The following ALDH1A1 variants were observed in gnomAD, a reference collection of about 807,000 sequenced individuals.
ALDH1A1 encodes aldehyde dehydrogenase 1A1.
Under a neutral mutation model 62.1 loss-of-function variants are expected in ALDH1A1, and 19 were observed. The observed-to-expected ratio is 0.31, with a 90% confidence interval of 0.21 to 0.45. The LOEUF is 0.45. Among genes scored for constraint, ALDH1A1 ranks in the 20% least tolerant of loss-of-function variants. ALDH1A1 has a pLI of 1.00. For missense variants in ALDH1A1, 521 were observed against 607.1 expected (o/e 0.86, Z 1.49); for synonymous variants, 231 against 215.9 (o/e 1.07, Z -0.61).
At chr9:72,909,361 C>T (rs1457593201) in intron 11 of ALDH1A1, among the ~76,000 whole-genome samples, 3 of 151,936 alleles carry the variant, frequency 2.0e-5, no homozygotes, top group South Asian at 2.1e-4. Context: ...ACCATGTTGG[C>T]CAGGCTGGTC....
intron 12 of ALDH1A1, 38 bp from the exon 13 acceptor site, chr9:72,901,318 G>T: frequency 7.1e-7 from 1 of 1,402,504 alleles, no homozygotes. Flanking sequence ...ACACCATTTA[G>T]CACAGCAGTA....
chr9:72,902,481 C>G (rs971015578), intron 12 of ALDH1A1, among the ~76,000 whole-genome samples: 1 of 151,910 alleles, frequency 6.6e-6, no homozygotes. Flanking sequence ...TTTGAAAATA[C>G]CTTTTAAAAG....
chr9:72,934,520 A>G (rs1396702504), intron 2 of ALDH1A1, among the ~76,000 whole-genome samples: 1 of 152,060 alleles, frequency 6.6e-6, no homozygotes, highest in Non-Finnish European at 1.5e-5. Context: ...ATCCAAACTT[A>G]GTGTTTACAT....
chr9:72,919,193 T>C (rs1292841837), intron 7 of ALDH1A1, among the ~76,000 whole-genome samples: 10 of 152,216 alleles, frequency 6.6e-5, no homozygotes, highest in African/African-American at 1.9e-4. Flanking sequence ...TAAGTGATAT[T>C]GATGGCTACG....
At chr9:72,911,172 CACTT>C (rs1174421822) in intron 10 of ALDH1A1, among the ~76,000 whole-genome samples, 1 of 151,882 alleles carries the variant, frequency 6.6e-6, no homozygotes, top group Non-Finnish European at 1.5e-5. Context: ...ACTCACCAAA[CACTT>C]AACTGCAATA....
chr9:72,905,898 TG>T, intron 12 of ALDH1A1, 59 bp downstream of exon 12: 1 of 1,383,324 alleles, frequency 7.2e-7, no homozygotes, highest in Non-Finnish European at 9.9e-7. Context: ...GTTAATTCCC[TG>T]GGAATGAAAA....
rs12339821 is a variant in ALDH1A1, at chr9:72,928,604, G to A, written c.442+288C>T. 5.9e-3 allele frequency among the ~76,000 whole-genome samples: 905 copies of A among 152,228 alleles called. 11 individuals are homozygous for A. Among genetic ancestry groups the A allele is most frequent in the African/African-American group, 0.02 (847 of 41,538 alleles). ...TTAAAAAGTTTGGGACCTTAGAGAGGCAATTGCCTCAGATCAGTAATTACT... is the reference window on the plus strand; with the variant it reads ...TTAAAAAGTTTGGGACCTTAGAGAGACAATTGCCTCAGATCAGTAATTACT... On this transcript the variant is annotated intron_variant, in intron 4 of 12. Transcript: ENST00000297785.
At chr9:72,944,820 T>A (rs1385161290) in intron 1 of ALDH1A1, among the ~76,000 whole-genome samples, 2 of 152,098 alleles carry the variant, frequency 1.3e-5, no homozygotes, top group African/African-American at 2.4e-5. Context: ...GACTTTTGAA[T>A]AATATATATG....
intron 9 of ALDH1A1, among the ~76,000 whole-genome samples, chr9:72,916,123 C>A (rs1051767781): frequency 9.2e-5 from 14 of 152,086 alleles, no homozygotes; most frequent in African/African-American, 2.9e-4. Context: ...GTAGAGCCAC[C>A]GCTTCTCACC....
chr9:72,906,161 A>AT (rs1336612231), intron 11 of ALDH1A1, 129 bp from the exon 12 acceptor site: 4 of 607,028 alleles, frequency 6.6e-6, no homozygotes, highest in African/African-American at 5.6e-5. Flanking sequence ...ACTCATCTTG[A>AT]TAAAAAAAAG....
chr9:72,940,135 T>G lies in ALDH1A1; in HGVS notation c.171+13A>C. The G allele has an allele frequency of 6.3e-7, 1 of 1,592,950 alleles. No individual in the cohort carries two copies. Among genetic ancestry groups the G allele is most frequent in the South Asian group, 1.1e-5 (1 of 90,590 alleles). On this transcript the variant is annotated intron_variant, in intron 2 of 12. Transcript: ENST00000297785. ...AACCTGGCATAAAATGAAACTAGTG[T>G]TCAGAAACTCACCTTATCTCCTTCT...
intron 11 of ALDH1A1, among the ~76,000 whole-genome samples, chr9:72,906,460 C>T (rs1255606645): frequency 6.6e-6 from 1 of 152,118 alleles, no homozygotes; most frequent in East Asian, 1.9e-4. Flanking sequence ...TTTTCTTTTG[C>T]AATTGTAATA....
chr9:72,925,359 T>G (rs1830191430), intron 6 of ALDH1A1, 125 bp downstream of exon 6: 20 of 1,095,408 alleles, frequency 1.8e-5, no homozygotes, highest in Non-Finnish European at 1.3e-6. Context: ...ATGCTAAATG[T>G]ATTCCCCCCA....
intron 10 of ALDH1A1, 105 bp downstream of exon 10, chr9:72,911,853 G>A: frequency 7.8e-7 from 1 of 1,282,540 alleles, no homozygotes; most frequent in Non-Finnish European, 1.1e-6. Context: ...AGGTTTAGAG[G>A]GAAAGATGTT....
intron 1 of ALDH1A1, among the ~76,000 whole-genome samples, chr9:72,943,733 T>A (rs898618300): frequency 6.6e-6 from 1 of 152,128 alleles, no homozygotes; most frequent in East Asian, 1.9e-4. Context: ...AGTCTGGCAG[T>A]TATTGTGGAA....
chr9:72,909,710 A>G lies in ALDH1A1; in HGVS notation c.1250T>C (p.Val417Ala), dbSNP rs1829955922. ...QIMKFKSLDD[V>A]IKRANNTFYG... The stretch of plus-strand genomic sequence containing the variant: ...GAAAGTATTGTTTGCTCTTTTGATC[A>G]CGTCATCTAAAGATTTAAACTTCAT... Residue 417 changes from valine (V) to alanine (A), a missense_variant, in exon 11 of 13, where the codon GTG becomes GCG. Physicochemically the swap from Val to Ala is moderately conservative, Grantham distance 64. Transcript: ENST00000297785. 6.2e-7 allele frequency: 1 copy of G among 1,613,874 alleles called. No individual in the cohort carries two copies. The highest frequency in any genetic ancestry group is 1.1e-5 in the South Asian group (1 of 91,056).
chr9:72,950,900 C>G (rs919819446), intron 1 of ALDH1A1, among the ~76,000 whole-genome samples: 1 of 151,638 alleles, frequency 6.6e-6, no homozygotes, highest in Non-Finnish European at 1.5e-5. Flanking sequence ...CAAATTCAAT[C>G]CAATTCTTCA....
At chr9:72,906,945 C>T (rs1829884757) in intron 11 of ALDH1A1, among the ~76,000 whole-genome samples, 1 of 152,048 alleles carries the variant, frequency 6.6e-6, no homozygotes, top group South Asian at 2.1e-4. Flanking sequence ...TGAGACCAGC[C>T]TGGGCAACAT....
intron 5 of ALDH1A1, 89 bp downstream of exon 5, chr9:72,927,027 C>T: frequency 1.1e-6 from 1 of 931,376 alleles, no homozygotes; most frequent in Non-Finnish European, 1.6e-6. Context: ...AATACATAAG[C>T]ATCCATCTGT....
Sources: gnomAD v4.1 joint callset for allele counts (sites outside exome capture counted in the v4.1 genomes callset) on GRCh38, gnomAD v4.1.1 for gene constraint, MANE v1.5 for transcripts, NCBI Gene and HGNC (gene_info 2026-07-23, HGNC 2026-07-21) for gene names.